Variants in RUNDC3B observed in about 807,000 individuals in gnomAD.
RUNDC3B encodes the protein RUN domain-containing protein 3B.
RUNDC3B carries 33 observed loss-of-function variants against 58.4 expected under a neutral mutation model. That is an observed-to-expected ratio of 0.56 (90% CI 0.43 to 0.75). RUNDC3B has a LOEUF of 0.75. Among genes scored for constraint, RUNDC3B ranks in the 30% least tolerant of loss-of-function variants. RUNDC3B has a pLI of 0.00. For missense variants in RUNDC3B, 501 were observed against 535.7 expected (o/e 0.94, Z 0.64); for synonymous variants, 193 against 195.2 (o/e 0.99, Z 0.10).
intron 4 of RUNDC3B, among the ~76,000 whole-genome samples, chr7:87,737,900 T>C (rs1478975558): frequency 6.6e-6 from 1 of 152,130 alleles, no homozygotes; most frequent in Non-Finnish European, 1.5e-5. Context: ...CATTATTATA[T>C]GCACACACAT....
At chr7:87,758,191 G>T (rs1264782934) in intron 6 of RUNDC3B, among the ~76,000 whole-genome samples, 2 of 152,074 alleles carry the variant, frequency 1.3e-5, no homozygotes, top group Non-Finnish European at 2.9e-5. Context: ...ACATGGTGTT[G>T]CACACCTGTA....
At chr7:87,727,674 G>C (rs1423740744) in intron 4 of RUNDC3B, among the ~76,000 whole-genome samples, 1 of 152,066 alleles carries the variant, frequency 6.6e-6, no homozygotes, top group Non-Finnish European at 1.5e-5. Context: ...TATTCCTTGA[G>C]CGTGTATTGA....
intron 1 of RUNDC3B, among the ~76,000 whole-genome samples, chr7:87,637,848 C>G (rs909685609): frequency 1.2e-4 from 18 of 151,824 alleles, no homozygotes; most frequent in Admixed American, 7.9e-4. Flanking sequence ...ACAGTCATGT[C>G]ATTTGCTTAT....
rs185385854 is a variant in RUNDC3B, at chr7:87,747,081, G to A, written c.629+5502G>A. The stretch of plus-strand genomic sequence containing the variant: ...TTATATTACCAGGGTTGGTTTTCTG[G>A]TTCCTTCTCATTTGGGTAGCCTCTG... On this transcript the variant is annotated intron_variant, in intron 6 of 10. Coordinates refer to ENST00000394654, the MANE Select transcript of RUNDC3B (RefSeq NM_001134405.2). 1.9e-4 allele frequency among the ~76,000 whole-genome samples: 29 copies of A among 152,212 alleles called. No individual in the cohort carries two copies. The East Asian group carries it at 1.9e-3, about 10-fold the overall frequency.
intron 4 of RUNDC3B, among the ~76,000 whole-genome samples, chr7:87,723,985 GC>G (rs916901957): frequency 6.6e-5 from 10 of 152,268 alleles, no homozygotes; most frequent in African/African-American, 1.9e-4. Flanking sequence ...ACTTTGGGAG[GC>G]TGAAGCAGGA....
At chr7:87,662,455 T>C (rs531100474) in intron 2 of RUNDC3B, among the ~76,000 whole-genome samples, 34 of 152,302 alleles carry the variant, frequency 2.2e-4, no homozygotes, top group Admixed American at 2.0e-3. Flanking sequence ...GGGTCTAGTT[T>C]CATTCTTCTG....
At chr7:87,812,631 A>G (rs1259656696) in intron 9 of RUNDC3B, among the ~76,000 whole-genome samples, 1 of 152,196 alleles carries the variant, frequency 6.6e-6, no homozygotes, top group African/African-American at 2.4e-5. Context: ...AAATAAATAA[A>G]TATTATATTT....
intron 2 of RUNDC3B, among the ~76,000 whole-genome samples, chr7:87,694,840 C>G (rs936542514): frequency 1.1e-4 from 16 of 152,140 alleles, no homozygotes; most frequent in African/African-American, 2.9e-4. Context: ...ATTCAATATT[C>G]AGATTTTTGC....
At chr7:87,725,452 GGTGTATGT>G (rs1281133582) in intron 4 of RUNDC3B, among the ~76,000 whole-genome samples, 1 of 152,100 alleles carries the variant, frequency 6.6e-6, no homozygotes, top group African/African-American at 2.4e-5. Context: ...AGTATTCCAT[GGTGTATGT>G]GTGCCACATT....
intron 6 of RUNDC3B, among the ~76,000 whole-genome samples, chr7:87,765,733 T>A (rs1328204177): frequency 6.6e-6 from 1 of 152,120 alleles, no homozygotes; most frequent in Non-Finnish European, 1.5e-5. Flanking sequence ...TTTTGGAGAA[T>A]GTTCTCTGCA....
intron 10 of RUNDC3B, among the ~76,000 whole-genome samples, chr7:87,825,192 C>T (rs1837731776): frequency 6.6e-6 from 1 of 151,834 alleles, no homozygotes; most frequent in Non-Finnish European, 1.5e-5. Flanking sequence ...ACACTCCAGC[C>T]TGGGTGACAG....
intron 8 of RUNDC3B, among the ~76,000 whole-genome samples, chr7:87,783,951 C>T (rs1048827381): frequency 6.6e-6 from 1 of 151,788 alleles, no homozygotes; most frequent in Non-Finnish European, 1.5e-5. Flanking sequence ...TTCACGTTGA[C>T]CTGGCAAGTC....
At position 87,710,531 on chromosome 7, in the gene RUNDC3B, T is replaced by A. The variant is rs529299314; in HGVS notation, c.373-39T>A. On this transcript the variant is annotated intron_variant, in intron 3 of 10. Transcript: ENST00000394654. ...ATGGCACAGTGGCAAAATATTTTTT[T>A]AATTTTTTTTATATTTGATTCTTTC... is the stretch of plus-strand genomic sequence containing the variant. The A allele has an allele frequency of 9.5e-5, 122 of 1,280,090 alleles. No homozygotes were observed. In the African/African-American group the frequency reaches 1.7e-3, roughly 18 times the overall value. 79.3% of individuals were successfully genotyped at this position (1,280,090 alleles called of 1,614,324 possible). A position where few individuals can be genotyped will look rare whatever the true frequency, so the allele number is the denominator to read the frequency against.
Position 87,710,659 on chromosome 7 carries a change from TAA to T in RUNDC3B, c.458+7_458+8del, listed in dbSNP as rs1259869189. The T allele has an allele frequency of 6.6e-7, 1 of 1,510,798 alleles. No individual in the cohort carries two copies. The highest frequency in any genetic ancestry group is 2.3e-5 in the East Asian group (1 of 44,056). The allele number at this position is 1,510,798 out of a possible 1,614,324, so 93.6% of individuals were successfully genotyped here. On this transcript the variant is annotated splice_donor_5th_base_variant and intron_variant, in intron 4 of 10. Coordinates refer to ENST00000394654, the MANE Select transcript of RUNDC3B (RefSeq NM_001134405.2). Reference sequence around the variant, plus strand: ...TGAGAGACTTCAAAACAACCAGGTTTAAAAGTCCTTTTAATTTTCTAATATAT... The same window carrying T: ...TGAGAGACTTCAAAACAACCAGGTTTAAGTCCTTTTAATTTTCTAATATAT...
chr7:87,650,081 C>T (rs984515605), intron 1 of RUNDC3B, among the ~76,000 whole-genome samples: 4 of 152,148 alleles, frequency 2.6e-5, no homozygotes, highest in African/African-American at 7.2e-5. Flanking sequence ...TTAATGCTCA[C>T]GTCCTATTTT....
At chr7:87,674,934 G>C (rs1400583152) in intron 2 of RUNDC3B, among the ~76,000 whole-genome samples, 2 of 152,196 alleles carry the variant, frequency 1.3e-5, no homozygotes, top group African/African-American at 4.8e-5. Context: ...CCTTGGATGT[G>C]CTCCAGTGCA....
rs185830309 is a variant in RUNDC3B, at chr7:87,828,189, T to C, written c.1226-1696T>C. On this transcript the variant is annotated intron_variant, in intron 10 of 10. Coordinates refer to ENST00000394654, the MANE Select transcript of RUNDC3B (RefSeq NM_001134405.2). The stretch of plus-strand genomic sequence containing the variant: ...TAAATTTTCTTTTTTAAAATTATTA[T>C]GTTCAGTAATTATTATACTGTCTTT... 1.7e-4 allele frequency among the ~76,000 whole-genome samples: 26 copies of C among 152,324 alleles called. No individual in the cohort carries two copies. In the East Asian group the frequency reaches 4.2e-3, roughly 25 times the overall value.
chr7:87,690,278 A>C (rs1827888489), intron 2 of RUNDC3B, among the ~76,000 whole-genome samples: 1 of 152,166 alleles, frequency 6.6e-6, no homozygotes, highest in Admixed American at 6.5e-5. Flanking sequence ...GTCACTGTTT[A>C]GTTGATTGCC....
chr7:87,746,439 C>G (rs1054291795), intron 6 of RUNDC3B, among the ~76,000 whole-genome samples: 1 of 152,130 alleles, frequency 6.6e-6, no homozygotes, highest in African/African-American at 2.4e-5. Flanking sequence ...TATTGTGTTG[C>G]TGTCTATCTC....
Sources: gnomAD v4.1 joint callset for allele counts (sites outside exome capture counted in the v4.1 genomes callset) on GRCh38, gnomAD v4.1.1 for gene constraint, MANE v1.5 for transcripts, NCBI Gene and HGNC (gene_info 2026-07-23, HGNC 2026-07-21) for gene names.